Variants in TRDN observed in about 807,000 individuals in gnomAD.
The protein encoded by TRDN is triadin, also known as triadin in skeletal muscle.
A neutral mutation model predicts 149.7 loss-of-function variants in TRDN; 161 were observed. The ratio of observed to expected loss-of-function variants is 1.08; its 90% CI spans 0.95 to 1.23. TRDN has a LOEUF of 1.23. Among genes scored for constraint, TRDN ranks in the 50% most tolerant of loss-of-function variants. TRDN has a pLI of 0.00. For missense variants in TRDN, 896 were observed against 823.5 expected (o/e 1.09, Z -1.08); for synonymous variants, 294 against 250.5 (o/e 1.17, Z -1.64).
intron 8 of TRDN, chr6:123,503,186 T>C (rs1417146765): frequency 1.0e-6 from 1 of 984,876 alleles, no homozygotes; most frequent in African/African-American, 1.7e-5. Context: ...GAGAACTGTC[T>C]TCTCTATAAC....
At position 123,614,814 on chromosome 6, in the gene TRDN, A is replaced by G. The variant is rs1335599819; in HGVS notation, c.22+21940T>C. 3.9e-5 allele frequency among the ~76,000 whole-genome samples: 6 copies of G among 152,248 alleles called. No homozygotes were observed. In the East Asian group the frequency reaches 1.2e-3, roughly 29 times the overall value. On this transcript the variant is annotated intron_variant, in intron 1 of 40. Transcript: ENST00000334268. ...TAGACAAATGGGATTATATCAAACTAAAAAGATTCTGCACAGCAAAGGAAA... is the reference window on the plus strand; with the variant it reads ...TAGACAAATGGGATTATATCAAACTGAAAAGATTCTGCACAGCAAAGGAAA...
chr6:123,238,010 G>T (rs1341578929), intron 38 of TRDN, among the ~76,000 whole-genome samples: 1 of 152,124 alleles, frequency 6.6e-6, no homozygotes, highest in Non-Finnish European at 1.5e-5. Flanking sequence ...GCTTAAAAGT[G>T]TATAATTGGA....
intron 9 of TRDN, among the ~76,000 whole-genome samples, chr6:123,478,219 A>T (rs761243841): frequency 3.3e-5 from 5 of 152,200 alleles, no homozygotes; most frequent in Admixed American, 6.5e-5. Context: ...ACCATTGACA[A>T]ATCTATAGGT....
intron 24 of TRDN, among the ~76,000 whole-genome samples, 179 bp downstream of exon 24, chr6:123,316,278 C>A (rs1204114404): frequency 1.3e-5 from 2 of 151,850 alleles, no homozygotes; most frequent in Non-Finnish European, 2.9e-5. Context: ...TTAACTTTAG[C>A]ATACATTTAG....
intron 10 of TRDN, among the ~76,000 whole-genome samples, chr6:123,448,161 AG>A (rs1775513708): frequency 6.6e-6 from 1 of 152,206 alleles, no homozygotes; most frequent in Admixed American, 6.5e-5. Context: ...TCAGAAGAGC[AG>A]GGGGTAAAAC....
chr6:123,227,456 T>C (rs1177948296), intron 38 of TRDN, among the ~76,000 whole-genome samples: 4 of 151,810 alleles, frequency 2.6e-5, no homozygotes, highest in African/African-American at 4.8e-5. Flanking sequence ...CAATTCTCTA[T>C]GGGTTGAACT....
chr6:123,255,633 ACTGATGCTTATT>A lies in TRDN; in HGVS notation c.1906+222_1906+233del, dbSNP rs1776529869. On this transcript the variant is annotated intron_variant, in intron 36 of 40. Coordinates refer to ENST00000334268, the MANE Select transcript of TRDN (RefSeq NM_006073.4). ...ACTTTGCTCATCAATGGCAGAACAA[ACTGATGCTTATT>A]TGCATGGGTTGGCTTACCATCCATT... Among the ~76,000 whole-genome samples, 3 of 152,242 alleles carry A rather than the reference ACTGATGCTTATT, an allele frequency of 2.0e-5. No homozygotes were observed. The South Asian group carries it at 6.2e-4, about 32-fold the overall frequency.
At chr6:123,291,684 T>A (rs1778018268) in intron 24 of TRDN, among the ~76,000 whole-genome samples, 1 of 152,158 alleles carries the variant, frequency 6.6e-6, no homozygotes, top group African/African-American at 2.4e-5. Context: ...TTGTGTAAAA[T>A]TAAAAACTTG....
At chr6:123,575,822 G>A (rs1432958640) in intron 1 of TRDN, among the ~76,000 whole-genome samples, 3 of 152,014 alleles carry the variant, frequency 2.0e-5, no homozygotes, top group Non-Finnish European at 4.4e-5. Flanking sequence ...ATGCCTTATC[G>A]ATCAGATGAA....
At chr6:123,566,439 G>A (rs1036006609) in intron 2 of TRDN, among the ~76,000 whole-genome samples, 1 of 152,166 alleles carries the variant, frequency 6.6e-6, no homozygotes, top group African/African-American at 2.4e-5. Flanking sequence ...TCTGAAAATA[G>A]GGGGAATTGT....
intron 16 of TRDN, among the ~76,000 whole-genome samples, chr6:123,378,124 A>T (rs947350461): frequency 1.3e-5 from 2 of 152,140 alleles, no homozygotes. Flanking sequence ...TCTGAATATT[A>T]GAGGAATTTG....
At chr6:123,528,785 T>C (rs1443512043) in intron 5 of TRDN, 2 of 992,508 alleles carry the variant, frequency 2.0e-6, no homozygotes, top group Non-Finnish European at 2.4e-6. Context: ...GTGAAATCTT[T>C]TGTTCATATT....
At chr6:123,309,027 C>A (rs1174694988) in intron 24 of TRDN, among the ~76,000 whole-genome samples, 1 of 151,870 alleles carries the variant, frequency 6.6e-6, no homozygotes, top group African/African-American at 2.4e-5. Context: ...CTTTATGCAA[C>A]CTTTATGTTG....
At chr6:123,512,900 T>C (rs1006503563) in intron 6 of TRDN, among the ~76,000 whole-genome samples, 3 of 152,190 alleles carry the variant, frequency 2.0e-5, no homozygotes, top group South Asian at 4.1e-4. Flanking sequence ...TAGTTCCACA[T>C]ATTTCCATTT....
intron 1 of TRDN, among the ~76,000 whole-genome samples, chr6:123,616,542 C>T (rs75828316): frequency 0.053 from 8,113 of 152,156 alleles, 741 homozygotes; most frequent in African/African-American, 0.18. Context: ...TATTCATATG[C>T]ATTTATACTG....
At chr6:123,327,491 A>G (rs1232517057) in intron 23 of TRDN, among the ~76,000 whole-genome samples, 1 of 152,114 alleles carries the variant, frequency 6.6e-6, no homozygotes, top group Non-Finnish European at 1.5e-5. Flanking sequence ...TCACTTATTC[A>G]AGCCTTTAAA....
At chr6:123,560,959 G>T (rs1014660912) in intron 2 of TRDN, among the ~76,000 whole-genome samples, 1 of 152,078 alleles carries the variant, frequency 6.6e-6, no homozygotes, top group Non-Finnish European at 1.5e-5. Context: ...GATTGTTCAG[G>T]CCTCCTCCCT....
chr6:123,332,120 G>C lies in TRDN; in HGVS notation c.1421-191C>G, dbSNP rs892546813. 3.3e-5 allele frequency among the ~76,000 whole-genome samples: 5 copies of C among 151,968 alleles called. No individual in the cohort carries two copies. In the East Asian group the frequency reaches 9.6e-4, roughly 29 times the overall value. ...TATAGAATACAATAAGCCATAAACT[G>C]ATCATTTTTCCTTGGCACAAACATA... On this transcript the variant is annotated intron_variant, in intron 22 of 40. Transcript: ENST00000334268.
intron 23 of TRDN, among the ~76,000 whole-genome samples, chr6:123,318,440 G>A (rs1408505776): frequency 6.6e-6 from 1 of 152,026 alleles, no homozygotes; most frequent in Non-Finnish European, 1.5e-5. Flanking sequence ...TCATTCAGCT[G>A]CTAAGTGGCA....
Sources: gnomAD v4.1 joint callset for allele counts (sites outside exome capture counted in the v4.1 genomes callset) on GRCh38, gnomAD v4.1.1 for gene constraint, MANE v1.5 for transcripts, NCBI Gene and HGNC (gene_info 2026-07-23, HGNC 2026-07-21) for gene names.